The following WRAP73 variants were observed in gnomAD, a reference collection of about 807,000 sequenced individuals.
WRAP73 encodes WD repeat-containing protein WRAP73.
A neutral mutation model predicts 59.6 loss-of-function variants in WRAP73; 55 were observed. The ratio of observed to expected loss-of-function variants is 0.92; its 90% CI spans 0.74 to 1.15. WRAP73 has a LOEUF of 1.15. Ranked by LOEUF, WRAP73 falls within the 50% of genes most tolerant of loss-of-function variation. WRAP73 has a pLI of 0.00. For missense variants in WRAP73, 592 were observed against 608.1 expected (o/e 0.97, Z 0.28); for synonymous variants, 265 against 258.2 (o/e 1.03, Z -0.25).
intron 2 of WRAP73, 179 bp downstream of exon 2, chr1:3,647,228 AC>A (rs1467829272): frequency 1.5e-6 from 1 of 656,438 alleles, no homozygotes; most frequent in African/African-American, 1.9e-5. Flanking sequence ...AATTAAGACT[AC>A]GTTGGAGTTT....
At chr1:3,632,119 A>T (rs1340043696) in intron 10 of WRAP73, 94 bp downstream of exon 10, 102 of 1,515,254 alleles carry the variant, frequency 6.7e-5, no homozygotes, top group Admixed American at 1.3e-4. Context: ...CGTGTCGGAA[A>T]CCCCCAACTT....
chr1:3,647,053 G>T (rs1335646648), intron 2 of WRAP73, among the ~76,000 whole-genome samples: 1 of 152,140 alleles, frequency 6.6e-6, no homozygotes, highest in Non-Finnish European at 1.5e-5. Context: ...ATTTCATTTC[G>T]TTGTTGTTTT....
At chr1:3,638,482 A>T (rs552153136) in intron 4 of WRAP73, among the ~76,000 whole-genome samples, 147 of 152,336 alleles carry the variant, frequency 9.6e-4, no homozygotes, top group Non-Finnish European at 1.7e-3. Context: ...ACCGGCATCA[A>T]CGCCACCGTT....
At position 3,647,427 on chromosome 1, in the gene WRAP73, T is replaced by C; in HGVS notation, c.203A>G (p.Tyr68Cys). The change falls in exon 2 of 12, where the codon TAC becomes TGC. Residue 68 changes from tyrosine (Y) to cysteine (C), a missense_variant. Transcript: ENST00000270708. ...ADSLFILCAM[Y>C]KRGLVQVWSL... is the part of the protein sequence containing the mutation. The stretch of plus-strand genomic sequence containing the variant: ...ACACACCTGCACCAGCCCTCGCTTG[T>C]ACATGGCGCACAGGATGAAGAGCGA... The C allele has an allele frequency of 1.2e-6, 2 of 1,613,752 alleles. No homozygotes were observed. The highest frequency in any genetic ancestry group is 1.1e-5 in the South Asian group (1 of 91,052).
chr1:3,646,601 CAG>C lies in WRAP73; in HGVS notation c.339+63_339+64del, dbSNP rs1302382698. 1.4e-6 allele frequency: 2 copies of C among 1,394,902 alleles called. No individual in the cohort carries two copies. Among genetic ancestry groups the C allele is most frequent in the Non-Finnish European group, 2.0e-6 (2 of 1,007,420 alleles). The allele number at this position is 1,394,902 out of a possible 1,614,324, so 86.4% of individuals were successfully genotyped here. ...CAAACACACCCCCTCTCGCACTCCC[CAG>C]CTGTTTCGAGAGCAGAGGACAGGAT... On this transcript the variant is annotated intron_variant, in intron 3 of 11. Transcript: ENST00000270708. This position sits in a 1 kb window ranked among gnomAD's most constrained non-coding sequence, Gnocchi z 5.1.
intron 3 of WRAP73, among the ~76,000 whole-genome samples, chr1:3,645,987 T>G (rs577812193): frequency 6.8e-4 from 104 of 152,334 alleles, no homozygotes; most frequent in African/African-American, 2.4e-3. Flanking sequence ...AAATCTAAAT[T>G]AAGATTTTTA....
intron 3 of WRAP73, among the ~76,000 whole-genome samples, chr1:3,643,366 G>C (rs79572785): frequency 2.6e-5 from 4 of 152,258 alleles, no homozygotes; most frequent in African/African-American, 4.8e-5. Context: ...GCATTGCTAC[G>C]AGGAAGAGAA....
At chr1:3,631,756 G>A (rs1418400866) in intron 10 of WRAP73, 99 bp from the exon 11 acceptor site, 5 of 1,485,970 alleles carry the variant, frequency 3.4e-6, no homozygotes, top group Non-Finnish European at 4.5e-6. Context: ...GGAGGGGAGG[G>A]GAAGAACCGG....
intron 4 of WRAP73, among the ~76,000 whole-genome samples, 166 bp from the exon 5 acceptor site, chr1:3,637,264 C>T (rs12078530): frequency 0.058 from 8,830 of 152,268 alleles, 836 homozygotes; most frequent in African/African-American, 0.2. Context: ...AACATTCTAG[C>T]GCAGAGGAGA....
At chr1:3,632,392 C>T (rs765113086) in intron 9 of WRAP73, 54 bp from the exon 10 acceptor site, 12 of 1,612,830 alleles carry the variant, frequency 7.4e-6, no homozygotes, top group Admixed American at 1.7e-5. Flanking sequence ...GAAGTACGCA[C>T]GCGGCTGAGA....
intron 1 of WRAP73, 57 bp downstream of exon 1, chr1:3,649,874 G>C (rs929905977): frequency 2.6e-6 from 4 of 1,538,962 alleles, no homozygotes; most frequent in Non-Finnish European, 3.5e-6. Flanking sequence ...GGCCCTGCCC[G>C]CCGGGGACGC....
chr1:3,632,001 G>C, intron 10 of WRAP73: 2 of 1,440,560 alleles, frequency 1.4e-6, no homozygotes, highest in South Asian at 3.0e-5. Context: ...CAGGGTGGAG[G>C]CCTCCTGACT....
intron 9 of WRAP73, chr1:3,633,007 G>A (rs995599397): frequency 3.9e-6 from 1 of 257,554 alleles, no homozygotes; most frequent in African/African-American, 2.3e-5. Context: ...CCAGAGTCAA[G>A]AGGCTGCATC....
chr1:3,649,812 G>A (rs1644723993), intron 1 of WRAP73, 119 bp downstream of exon 1: 2 of 1,105,468 alleles, frequency 1.8e-6, no homozygotes, highest in Non-Finnish European at 2.5e-6. Flanking sequence ...CACCTGTCCG[G>A]GCACCGCACC....
At chr1:3,632,025 G>T (rs1302306072) in intron 10 of WRAP73, 188 bp downstream of exon 10, 9 of 1,477,834 alleles carry the variant, frequency 6.1e-6, no homozygotes, top group African/African-American at 1.4e-5. Flanking sequence ...GCGCGGACCT[G>T]CGGCTGCTGC....
Position 3,632,711 on chromosome 1 carries a change from C to T in WRAP73, c.923-373G>A, listed in dbSNP as rs1312210897. 3.6e-5 allele frequency: 12 copies of T among 336,764 alleles called. No homozygotes were observed. In the East Asian group the frequency reaches 9.2e-4, roughly 26 times the overall value. The allele number at this position is 336,764 out of a possible 1,614,324, so 20.9% of individuals were successfully genotyped here. On this transcript the variant is annotated intron_variant, in intron 9 of 11. Coordinates refer to ENST00000270708, the MANE Select transcript of WRAP73 (RefSeq NM_017818.4). ...GAGTTCACAATCCCTTCCACCTCAG[C>T]GTCAGTACCCTTAGACTTTCCGGCT...
chr1:3,633,583 A>G, intron 8 of WRAP73, 80 bp from the exon 9 acceptor site: 4 of 1,114,898 alleles, frequency 3.6e-6, no homozygotes, highest in Middle Eastern at 2.6e-4. Flanking sequence ...TGCCCATGAC[A>G]GCGCATGGTC....
chr1:3,633,685 C>G (rs1265876469), intron 8 of WRAP73, 182 bp from the exon 9 acceptor site: 2 of 571,348 alleles, frequency 3.5e-6, no homozygotes, highest in Admixed American at 7.0e-5. Flanking sequence ...GATCACCCAG[C>G]CACCCTCTCT....
rs1011662175 is a variant in WRAP73, at chr1:3,646,129, A to G, written c.339+537T>C. ...CTCCAACCCCGCCAATCTACCAGCC[A>G]CTCGGGAGCCACCTCAGTCATCAGA... On this transcript the variant is annotated intron_variant, in intron 3 of 11. Coordinates refer to ENST00000270708, the MANE Select transcript of WRAP73 (RefSeq NM_017818.4). The surrounding 1 kb of genome is among the most constrained non-coding windows in gnomAD (Gnocchi z 5.1). 1.3e-5 allele frequency among the ~76,000 whole-genome samples: 2 copies of G among 152,302 alleles called. No homozygotes were observed. Among genetic ancestry groups the G allele is most frequent in the East Asian group, 3.9e-4 (2 of 5,192 alleles).
Sources: gnomAD v4.1 joint callset for allele counts (sites outside exome capture counted in the v4.1 genomes callset) on GRCh38, gnomAD v4.1.1 for gene constraint, Gnocchi (gnomAD v3.1) non-coding constraint, MANE v1.5 for transcripts, NCBI Gene and HGNC (gene_info 2026-07-23, HGNC 2026-07-21) for gene names.